The following KIRREL3 variants were observed in gnomAD, a reference collection of about 807,000 sequenced individuals.
KIRREL3 encodes kin of IRRE-like protein 3.
In KIRREL3, 36 loss-of-function variants were observed where a neutral mutation model predicts 89.7. The observed-to-expected ratio is 0.40, with a 90% CI of 0.31 to 0.53. The LOEUF (loss-of-function observed/expected upper bound fraction) is 0.53, where lower values mean the gene tolerates loss of function less well. KIRREL3 is among the 20% of genes least tolerant of loss of function. The pLI is 0.49. For synonymous variants in KIRREL3, 445 were observed against 441.4 expected (o/e 1.01, Z -0.10); for missense variants, 864 against 1,056.6 (o/e 0.82, Z 2.53).
intron 1 of KIRREL3, among the ~76,000 whole-genome samples, chr11:126,644,828 T>C (rs548941715): frequency 2.0e-5 from 3 of 152,314 alleles, no homozygotes; most frequent in Non-Finnish European, 4.4e-5. Context: ...TAATAATCTA[T>C]AGATGTACAA....
intron 1 of KIRREL3, among the ~76,000 whole-genome samples, chr11:126,886,864 T>C (rs1446947522): frequency 6.6e-6 from 1 of 152,190 alleles, no homozygotes; most frequent in African/African-American, 2.4e-5. Context: ...ACATTCCTTA[T>C]TCTGCCCCAC....
chr11:126,911,282 G>C (rs1465839995), intron 1 of KIRREL3, among the ~76,000 whole-genome samples: 1 of 152,266 alleles, frequency 6.6e-6, no homozygotes, highest in East Asian at 1.9e-4. Flanking sequence ...TGGCATTGTT[G>C]TCAAACTTAG....
intron 1 of KIRREL3, among the ~76,000 whole-genome samples, chr11:126,921,365 C>T (rs1001295810): frequency 2.0e-5 from 3 of 152,132 alleles, no homozygotes; most frequent in Admixed American, 6.5e-5. Flanking sequence ...AGCCAATTCA[C>T]CTGATAAATT....
chr11:126,501,377 T>C lies in KIRREL3; in HGVS notation c.433+19938A>G, dbSNP rs747856366. Among the ~76,000 whole-genome samples, 16 of 152,170 alleles carry C rather than the reference T, an allele frequency of 1.1e-4. No individual in the cohort carries two copies. The highest frequency in any genetic ancestry group is 2.2e-4 in the Non-Finnish European group (15 of 68,020). On this transcript the variant is annotated intron_variant, in intron 4 of 16. Coordinates refer to ENST00000525144, the MANE Select transcript of KIRREL3 (RefSeq NM_032531.4). This position sits in a 1 kb window ranked among gnomAD's most constrained non-coding sequence, Gnocchi z 5.8. ...GGGCTGCAGAGGGAGAGGAGCCAGC[T>C]TGGGGCCTGGGGTGCAGTCTTAGAG...
chr11:126,663,044 A>T lies in KIRREL3; in HGVS notation c.56-100132T>A, dbSNP rs532588550. 1.2e-4 allele frequency among the ~76,000 whole-genome samples: 18 copies of T among 151,164 alleles called. No individual in the cohort carries two copies. In the South Asian group the frequency reaches 3.6e-3, roughly 30 times the overall value. On this transcript the variant is annotated intron_variant, in intron 1 of 16. Transcript: ENST00000525144. ...TACTATGGAAGAGCAGATGTCAGTGATACTGCCCGATCTTGGCAAGGGAAG... is the reference window on the plus strand; with the variant it reads ...TACTATGGAAGAGCAGATGTCAGTGTTACTGCCCGATCTTGGCAAGGGAAG...
chr11:126,841,582 G>C (rs1407797870), intron 1 of KIRREL3, among the ~76,000 whole-genome samples: 1 of 152,220 alleles, frequency 6.6e-6, no homozygotes, highest in Non-Finnish European at 1.5e-5. Context: ...TGCCCTCAAA[G>C]GCAGAGGTCC....
chr11:126,465,022 C>T (rs1394013134), intron 5 of KIRREL3, among the ~76,000 whole-genome samples: 2 of 152,142 alleles, frequency 1.3e-5, no homozygotes, highest in African/African-American at 4.8e-5. Flanking sequence ...GCTACTTCCC[C>T]ATCACTTTGG....
chr11:126,786,222 G>A (rs1040753605), intron 1 of KIRREL3, among the ~76,000 whole-genome samples: 6 of 152,130 alleles, frequency 3.9e-5, no homozygotes, highest in Non-Finnish European at 5.9e-5. Flanking sequence ...AATGAAAAAA[G>A]GGGAAGATAA....
At chr11:126,950,576 T>C (rs559993551) in intron 1 of KIRREL3, among the ~76,000 whole-genome samples, 255 of 152,298 alleles carry the variant, frequency 1.7e-3, no homozygotes, top group Non-Finnish European at 2.5e-3. Context: ...ATTTTTGACT[T>C]CAGGTCCCTA....
chr11:126,688,541 T>C (rs1946753116), intron 1 of KIRREL3, among the ~76,000 whole-genome samples: 1 of 152,114 alleles, frequency 6.6e-6, no homozygotes, highest in Non-Finnish European at 1.5e-5. Flanking sequence ...TCATAACAAA[T>C]ATAATAAAAG....
Position 126,443,411 on chromosome 11 carries a change from A to G in KIRREL3, c.1252+1568T>C, listed in dbSNP as rs1278316115. ...GTTGCCATGGATATACGGAGGCGCG[A>G]TCAGATGCTGTTATTTTTAGCCCTG... On this transcript the variant is annotated intron_variant, in intron 10 of 16. Coordinates refer to ENST00000525144, the MANE Select transcript of KIRREL3 (RefSeq NM_032531.4). The surrounding 1 kb of genome is among the most constrained non-coding windows in gnomAD (Gnocchi z 7.3). Among the ~76,000 whole-genome samples, 1 of 152,196 alleles carries G rather than the reference A, an allele frequency of 6.6e-6. No individual in the cohort carries two copies. Among genetic ancestry groups the G allele is most frequent in the Non-Finnish European group, 1.5e-5 (1 of 68,028 alleles).
chr11:126,502,752 A>G lies in KIRREL3; in HGVS notation c.433+18563T>C, dbSNP rs1448763171. Among the ~76,000 whole-genome samples, 3 of 152,220 alleles carry G rather than the reference A, an allele frequency of 2.0e-5. No individual in the cohort carries two copies. In the East Asian group the frequency reaches 5.8e-4, roughly 29 times the overall value. On this transcript the variant is annotated intron_variant, in intron 4 of 16. Transcript: ENST00000525144. ...CCCAGCTTCTGGCTCTCCGATTTGCATCTCCAAAAGGTGATCTTTAAAACT... is the reference window on the plus strand; with the variant it reads ...CCCAGCTTCTGGCTCTCCGATTTGCGTCTCCAAAAGGTGATCTTTAAAACT...
Position 126,541,840 on chromosome 11 carries a change from T to C in KIRREL3, c.134-15153A>G, listed in dbSNP as rs1012547339. Among the ~76,000 whole-genome samples the C allele has an allele frequency of 1.2e-4, 19 of 152,148 alleles. No individual in the cohort carries two copies. The highest frequency in any genetic ancestry group is 4.3e-4 in the African/African-American group (18 of 41,394). On this transcript the variant is annotated intron_variant, in intron 2 of 16. Coordinates refer to ENST00000525144, the MANE Select transcript of KIRREL3 (RefSeq NM_032531.4). The surrounding 1 kb of genome is among the most constrained non-coding windows in gnomAD (Gnocchi z 4.8). ...CCTTGATTAAGTGGCTGTCTCTCTC[T>C]CGGGGTGCGCATTGATGTTCCCACT...
In KIRREL3 at chr11:126,759,278, C is replaced by T. The variant is rs770047784; in HGVS notation, c.56-196366G>A. ...CGGAGTAGCTGGGATTACAGGCACC[C>T]GCCACCATGCCTGGCTAATCTTTGT... On this transcript the variant is annotated intron_variant, in intron 1 of 16. Transcript: ENST00000525144. Among the ~76,000 whole-genome samples the T allele has an allele frequency of 4.6e-5, 7 of 152,154 alleles. 1 individual carries two copies. Among genetic ancestry groups the T allele is most frequent in the Non-Finnish European group, 1.0e-4 (7 of 67,986 alleles).
Position 126,842,948 on chromosome 11 carries a change from G to GA in KIRREL3, c.55+157506dup, listed in dbSNP as rs919070220. Reference sequence around the variant, plus strand: ...AAGTTCAGAAGGACCAAGCATCACAGATTTTTTTTTTTCTTTCTGTAAATG... The same window carrying GA: ...AAGTTCAGAAGGACCAAGCATCACAGAATTTTTTTTTTTCTTTCTGTAAATG... On this transcript the variant is annotated intron_variant, in intron 1 of 16. Transcript: ENST00000525144. Among the ~76,000 whole-genome samples, 11 of 112,660 alleles carry GA rather than the reference G, an allele frequency of 9.8e-5. 1 individual carries two copies. The highest frequency in any genetic ancestry group is 6.8e-4 in the Admixed American group (7 of 10,254). 73.9% of individuals were successfully genotyped at this position (112,660 alleles called of 152,430 possible). A position where few individuals can be genotyped will look rare whatever the true frequency, so the allele number is the denominator to read the frequency against.
chr11:126,454,521 G>T lies in KIRREL3; in HGVS notation c.848+1828C>A, dbSNP rs1411327720. On this transcript the variant is annotated intron_variant, in intron 7 of 16. Transcript: ENST00000525144. The surrounding 1 kb of genome is among the most constrained non-coding windows in gnomAD (Gnocchi z 5.8). ...TGTGAAGGGCTGCCCTGGGAAGCTA[G>T]CATGACAGATATTTTCTGGGCATGT... Among the ~76,000 whole-genome samples, 1 of 152,196 alleles carries T rather than the reference G, an allele frequency of 6.6e-6. No individual in the cohort carries two copies. Among genetic ancestry groups the T allele is most frequent in the African/African-American group, 2.4e-5 (1 of 41,438 alleles).
intron 1 of KIRREL3, among the ~76,000 whole-genome samples, chr11:126,648,417 C>T (rs1046630004): frequency 2.6e-5 from 4 of 152,144 alleles, no homozygotes; most frequent in Admixed American, 6.5e-5. Flanking sequence ...TCGGTCCCTC[C>T]CCTGCTTCAA....
intron 1 of KIRREL3, among the ~76,000 whole-genome samples, chr11:126,865,688 G>A (rs4936000): frequency 0.81 from 123,551 of 152,194 alleles, 50,316 homozygotes; most frequent in East Asian, 1. Flanking sequence ...AGGGATCGAC[G>A]AAGTCTCTGT....
intron 1 of KIRREL3, among the ~76,000 whole-genome samples, chr11:126,921,193 G>A (rs78570403): frequency 0.038 from 5,768 of 152,158 alleles, 189 homozygotes; most frequent in African/African-American, 0.085. Flanking sequence ...TCTGGGACTC[G>A]CACCAGGGGC....
Sources: allele counts gnomAD v4.1 joint callset (sites outside exome capture counted in the v4.1 genomes callset), GRCh38; gene constraint gnomAD v4.1.1; non-coding constraint Gnocchi (gnomAD v3.1); transcripts MANE v1.5; gene names NCBI Gene and HGNC (gene_info 2026-07-23, HGNC 2026-07-21).